Variants in TMEM132E observed in about 807,000 individuals in gnomAD.
TMEM132E encodes the protein transmembrane protein 132E.
In TMEM132E, 49 loss-of-function variants were observed where a neutral mutation model predicts 78.5. That is an observed-to-expected ratio of 0.62 (90% CI 0.50 to 0.79). The LOEUF is 0.79. Ranked by LOEUF, TMEM132E falls within the 30% of genes least tolerant of loss-of-function variation. The pLI is 0.00. For synonymous variants in TMEM132E, 715 were observed against 670.6 expected, an observed-to-expected ratio of 1.07 and a Z score of -1.02; for missense variants, 1,403 against 1,470.9, an observed-to-expected ratio of 0.95 and a Z score of 0.75.
chr17:34,617,029 G>A (rs2142071932), intron 1 of TMEM132E, among the ~76,000 whole-genome samples: 1 of 152,342 alleles, frequency 6.6e-6, no homozygotes, highest in South Asian at 2.1e-4. Context: ...ATACATAGAG[G>A]CCCTGCCCTG....
chr17:34,610,420 C>T (rs1334256119), intron 1 of TMEM132E, among the ~76,000 whole-genome samples: 1 of 152,160 alleles, frequency 6.6e-6, no homozygotes, highest in Admixed American at 6.5e-5. Context: ...AGCAGGGCCT[C>T]CATCTAAGAG....
intron 1 of TMEM132E, among the ~76,000 whole-genome samples, chr17:34,617,112 ACCT>A (rs1316779301): frequency 9.2e-5 from 14 of 152,232 alleles, no homozygotes; most frequent in Non-Finnish European, 2.1e-4. Flanking sequence ...GCTGACTGCT[ACCT>A]AGTCCAGAAC....
At chr17:34,600,915 C>T (rs1437931861) in intron 1 of TMEM132E, among the ~76,000 whole-genome samples, 1 of 152,192 alleles carries the variant, frequency 6.6e-6, no homozygotes, top group Non-Finnish European at 1.5e-5. Flanking sequence ...AGCCTCAAGC[C>T]CCTAGGCCCT....
rs114001892 is a variant in TMEM132E, at chr17:34,587,674, G to A, written c.67+6531G>A. 4.5e-3 allele frequency among the ~76,000 whole-genome samples: 687 copies of A among 152,236 alleles called. 8 individuals are homozygous for A. Among genetic ancestry groups the A allele is most frequent in the African/African-American group, 0.016 (660 of 41,528 alleles). On this transcript the variant is annotated intron_variant, in intron 1 of 8. Transcript: ENST00000631683. ...AGTAGCTTGGTACAGGTGATGCAGCGGCCTTGTCATGGTGGAAGAATGGTG... is the reference window on the plus strand; with the variant it reads ...AGTAGCTTGGTACAGGTGATGCAGCAGCCTTGTCATGGTGGAAGAATGGTG...
At chr17:34,633,098 T>A (rs1459072879) in intron 6 of TMEM132E, among the ~76,000 whole-genome samples, 189 bp downstream of exon 6, 2 of 152,070 alleles carry the variant, frequency 1.3e-5, no homozygotes, top group Non-Finnish European at 2.9e-5. Flanking sequence ...AGAGATGGGG[T>A]GAATGTGGCC....
At chr17:34,622,473 G>T (rs748774731) in intron 1 of TMEM132E, among the ~76,000 whole-genome samples, 1 of 152,186 alleles carries the variant, frequency 6.6e-6, no homozygotes, top group Non-Finnish European at 1.5e-5. Flanking sequence ...TCAGCTTTCC[G>T]GCTCCCTCTT....
chr17:34,625,665 C>A (rs1405491036), intron 1 of TMEM132E, among the ~76,000 whole-genome samples: 4 of 152,146 alleles, frequency 2.6e-5, no homozygotes, highest in Non-Finnish European at 5.9e-5. Context: ...CCACACGGAG[C>A]GCAGTGCAGG....
intron 6 of TMEM132E, among the ~76,000 whole-genome samples, chr17:34,633,344 G>T (rs1219280483): frequency 6.6e-6 from 1 of 152,260 alleles, no homozygotes; most frequent in African/African-American, 2.4e-5. Context: ...GAGACTGCCT[G>T]CAGTCAGGCA....
rs747470712 is a variant in TMEM132E, at chr17:34,637,128, G to A, written c.2170-49G>A. The A allele has an allele frequency of 4.6e-6, 7 of 1,524,390 alleles. No homozygotes were observed. In the East Asian group the frequency reaches 1.4e-4, roughly 30 times the overall value. The allele number at this position is 1,524,390 out of a possible 1,614,324, so 94.4% of individuals were successfully genotyped here. A position where few individuals can be genotyped will look rare whatever the true frequency, so the allele number is the denominator to read the frequency against. Reference sequence around the variant, plus strand: ...GAGCCCAGGATCTAGCAGGAAGCCAGCTGAACCAGCTCTTTGACTCCTATC... The same window carrying A: ...GAGCCCAGGATCTAGCAGGAAGCCAACTGAACCAGCTCTTTGACTCCTATC... On this transcript the variant is annotated intron_variant, in intron 8 of 8. Transcript: ENST00000631683.
rs979146859 is a variant in TMEM132E, at chr17:34,615,018, G to A, written c.68-11109G>A. On this transcript the variant is annotated intron_variant, in intron 1 of 8. Coordinates refer to ENST00000631683, the MANE Select transcript of TMEM132E (RefSeq NM_001304438.2). ...GGGATTGCTTCCCCATAGGTGGCAA[G>A]GCTCCAGGGGCCAGAGGAAGGTACC... Among the ~76,000 whole-genome samples the A allele has an allele frequency of 7.2e-5, 11 of 152,270 alleles. No individual in the cohort carries two copies. The East Asian group carries it at 2.1e-3, about 29-fold the overall frequency.
chr17:34,609,680 G>A (rs73284061), intron 1 of TMEM132E, among the ~76,000 whole-genome samples: 4,414 of 152,236 alleles, frequency 0.029, 210 homozygotes, highest in African/African-American at 0.091. Context: ...GCTCCCTATT[G>A]CTCATGCCGT....
chr17:34,638,126 A>G lies in TMEM132E; in HGVS notation c.3119A>G (p.Glu1040Gly), dbSNP rs761611049. The G allele has an allele frequency of 2.5e-6, 4 of 1,607,408 alleles. No individual in the cohort carries two copies. The highest frequency in any genetic ancestry group is 3.4e-6 in the Non-Finnish European group (4 of 1,177,638). The stretch of plus-strand genomic sequence containing the variant: ...CCCGCGGGCGAAGAGGACGAGGAGG[A>G]GGAAGAGGACCTGGGTTGGGGCTGC... ...SVPAGEEDEE[E>G]EEDLGWGCPD... is the part of the protein sequence containing the mutation. The change falls in exon 9 of 9, where the codon GAG (glutamate) becomes GGG (glycine). Residue 1040 changes from glutamate (E) to glycine (G), a missense_variant. By Grantham distance (98) the Glu-to-Gly change is moderately conservative (BLOSUM62 -2). Coordinates refer to ENST00000631683, the MANE Select transcript of TMEM132E (RefSeq NM_001304438.2).
At chr17:34,593,888 C>T (rs934176014) in intron 1 of TMEM132E, among the ~76,000 whole-genome samples, 1 of 152,246 alleles carries the variant, frequency 6.6e-6, no homozygotes, top group Non-Finnish European at 1.5e-5. Context: ...ACCCAATCTT[C>T]CCCTTCACCT....
intron 1 of TMEM132E, among the ~76,000 whole-genome samples, chr17:34,598,525 A>G (rs774228487): frequency 3.3e-5 from 5 of 151,968 alleles, no homozygotes; most frequent in Non-Finnish European, 7.4e-5. Flanking sequence ...GCCCCAGGGA[A>G]GCTCAGCAGG....
chr17:34,613,224 C>CGCGCGCGCGCGT (rs1567716050), intron 1 of TMEM132E, among the ~76,000 whole-genome samples: 1 of 151,534 alleles, frequency 6.6e-6, no homozygotes, highest in East Asian at 2.0e-4. Context: ...CGCGCGCGCG[C>CGCGCGCGCGCGT]GCGTTCTTAC....
At chr17:34,618,599 G>C (rs1906857595) in intron 1 of TMEM132E, among the ~76,000 whole-genome samples, 1 of 152,114 alleles carries the variant, frequency 6.6e-6, no homozygotes, top group African/African-American at 2.4e-5. Flanking sequence ...TTGGGTCAAA[G>C]AGCATGAACA....
At chr17:34,637,029 C>T (rs1567722736) in intron 8 of TMEM132E, 148 bp from the exon 9 acceptor site, 3 of 706,354 alleles carry the variant, frequency 4.2e-6, no homozygotes, top group Non-Finnish European at 7.0e-6. Context: ...TGAATGCCCG[C>T]CACAGGTCAC....
chr17:34,619,161 C>G (rs1284202403), intron 1 of TMEM132E, among the ~76,000 whole-genome samples: 1 of 152,252 alleles, frequency 6.6e-6, no homozygotes, highest in Non-Finnish European at 1.5e-5. Context: ...ACCACTGGCA[C>G]TAATCATGGC....
At chr17:34,628,938 C>T in intron 3 of TMEM132E, 74 bp from the exon 4 acceptor site, 1 of 1,490,932 alleles carries the variant, frequency 6.7e-7, no homozygotes, top group South Asian at 1.4e-5. Context: ...GGGGTCCCCA[C>T]TGAGAGTTTC....
Sources: gnomAD v4.1 joint callset for allele counts (sites outside exome capture counted in the v4.1 genomes callset) on GRCh38, gnomAD v4.1.1 for gene constraint, MANE v1.5 for transcripts, NCBI Gene and HGNC (gene_info 2026-07-23, HGNC 2026-07-21) for gene names.